Variants in APPL2 observed in about 807,000 individuals in gnomAD.
APPL2 encodes adaptor protein, phosphotyrosine interacting with PH domain and leucine zipper 2, also known as DCC-interacting protein 13-beta.
Under a neutral mutation model 92.7 loss-of-function variants are expected in APPL2, and 84 were observed. The observed-to-expected ratio is 0.91, with a 90% CI of 0.76 to 1.09. The LOEUF (loss-of-function observed/expected upper bound fraction) is 1.09. Among genes scored for constraint, APPL2 ranks in the 50% least tolerant of loss-of-function variants. The pLI is 0.00. For synonymous variants in APPL2, 291 were observed against 291.0 expected (o/e 1.00, Z 0.00); for missense variants, 736 against 824.5 (o/e 0.89, Z 1.31).
intron 17 of APPL2, among the ~76,000 whole-genome samples, chr12:105,186,701 TATC>T (rs1340332391): frequency 2.9e-5 from 4 of 136,024 alleles, no homozygotes; most frequent in Non-Finnish European, 6.1e-5. Context: ...TCATATATCA[TATC>T]ATATATCATA....
At chr12:105,190,311 C>A (rs1326363551) in intron 14 of APPL2, among the ~76,000 whole-genome samples, 156 bp from the exon 15 acceptor site, 1 of 152,232 alleles carries the variant, frequency 6.6e-6, no homozygotes, top group African/African-American at 2.4e-5. Flanking sequence ...CTTCAAACTT[C>A]CTTCATATCC....
At position 105,229,112 on chromosome 12, in the gene APPL2, G is replaced by C. The variant is rs1890732446; in HGVS notation, c.153+13C>G. The stretch of plus-strand genomic sequence containing the variant: ...CCCACTCTGCGGTATCCAGGTGAGG[G>C]GTGGCAGCATACCTGGGCTCCATAG... On this transcript the variant is annotated intron_variant, in intron 2 of 20. Transcript: ENST00000258530. 1 of 1,605,324 alleles carries C rather than the reference G, an allele frequency of 6.2e-7. No homozygotes were observed. The highest frequency in any genetic ancestry group is 8.5e-7 in the Non-Finnish European group (1 of 1,174,874).
In APPL2 at chr12:105,224,113, G is replaced by C. The variant is rs552961011; in HGVS notation, c.153+5012C>G. 1.4e-3 allele frequency among the ~76,000 whole-genome samples: 217 copies of C among 152,270 alleles called. 3 individuals are homozygous for C. Among genetic ancestry groups the C allele is most frequent in the African/African-American group, 5.2e-3 (215 of 41,562 alleles). Reference sequence around the variant, plus strand: ...TGCTATCTGAAAGCTACCAATGCCAGCATGAGGGAAAGCTGCAGACCAAGT... The same window carrying C: ...TGCTATCTGAAAGCTACCAATGCCACCATGAGGGAAAGCTGCAGACCAAGT... On this transcript the variant is annotated intron_variant, in intron 2 of 20. Transcript: ENST00000258530.
intron 1 of APPL2, among the ~76,000 whole-genome samples, 157 bp from the exon 2 acceptor site, chr12:105,229,380 C>T (rs1890755812): frequency 6.6e-6 from 1 of 152,148 alleles, no homozygotes; most frequent in South Asian, 2.1e-4. Flanking sequence ...GTACCAGTAC[C>T]ATTTGATTCC....
At chr12:105,174,670 T>C (rs889252826) in intron 20 of APPL2, among the ~76,000 whole-genome samples, 3 of 152,168 alleles carry the variant, frequency 2.0e-5, no homozygotes, top group African/African-American at 7.2e-5. Context: ...CGTAGTCAAT[T>C]CGTATCATCT....
In APPL2 at chr12:105,200,711, A is replaced by G. The variant is rs556941921; in HGVS notation, c.705-1180T>C. Among the ~76,000 whole-genome samples, 5 of 152,320 alleles carry G rather than the reference A, an allele frequency of 3.3e-5. No homozygotes were observed. In the South Asian group the frequency reaches 8.3e-4, roughly 25 times the overall value. On this transcript the variant is annotated intron_variant, in intron 9 of 20. Coordinates refer to ENST00000258530, the MANE Select transcript of APPL2 (RefSeq NM_018171.5). The stretch of plus-strand genomic sequence containing the variant: ...GTGTTACAGGAGACACGGCAACCAC[A>G]AGGTTAAAATCAGAAGCAAACAGGG...
chr12:105,210,976 GTC>G (rs1388421954), intron 5 of APPL2, among the ~76,000 whole-genome samples: 21 of 152,086 alleles, frequency 1.4e-4, no homozygotes, highest in Non-Finnish European at 1.5e-4. Flanking sequence ...ACTCCTGTGC[GTC>G]TCTGTCCTGC....
At chr12:105,226,594 A>G (rs189944016) in intron 2 of APPL2, among the ~76,000 whole-genome samples, 1 of 152,250 alleles carries the variant, frequency 6.6e-6, no homozygotes, top group Non-Finnish European at 1.5e-5. Context: ...GACTCCTCAG[A>G]GTGACAGAGA....
chr12:105,190,973 G>A lies in APPL2; in HGVS notation c.1242-818C>T, dbSNP rs75636247. On this transcript the variant is annotated intron_variant, in intron 14 of 20. Coordinates refer to ENST00000258530, the MANE Select transcript of APPL2 (RefSeq NM_018171.5). ...CAGCCAGACTATAAACTCCTTTGAA[G>A]GGCAAAGAATATCAATGTATTTTGA... 3.0e-3 allele frequency among the ~76,000 whole-genome samples: 459 copies of A among 152,296 alleles called. 17 individuals carry two copies. The East Asian group carries it at 0.072, about 24-fold the overall frequency.
At chr12:105,200,223 A>G (rs1189879022) in intron 9 of APPL2, among the ~76,000 whole-genome samples, 2 of 152,188 alleles carry the variant, frequency 1.3e-5, no homozygotes, top group Non-Finnish European at 2.9e-5. Flanking sequence ...TGAGAAGCCC[A>G]TCCTCCAGGG....
chr12:105,217,935 T>A (rs2136049453), intron 2 of APPL2, among the ~76,000 whole-genome samples: 1 of 152,220 alleles, frequency 6.6e-6, no homozygotes, highest in East Asian at 1.9e-4. Flanking sequence ...AAACTCCATC[T>A]CTGCAAAATA....
chr12:105,185,088 A>G (rs1886480112), intron 17 of APPL2, among the ~76,000 whole-genome samples: 1 of 152,150 alleles, frequency 6.6e-6, no homozygotes, highest in Non-Finnish European at 1.5e-5. Context: ...AGCCTCAGTA[A>G]TGGCGGATGC....
At chr12:105,229,863 C>G in intron 1 of APPL2, 1 of 657,892 alleles carries the variant, frequency 1.5e-6, no homozygotes, top group Non-Finnish European at 1.9e-6. Context: ...ACTGCAACCT[C>G]TGCTTCCCGG....
chr12:105,208,072 C>T (rs765860295), intron 6 of APPL2, 43 bp from the exon 7 acceptor site: 38 of 1,613,484 alleles, frequency 2.4e-5, no homozygotes, highest in Non-Finnish European at 3.1e-5. Flanking sequence ...GGGTCAGGGT[C>T]GAAAGGGAAG....
chr12:105,209,270 G>A (rs1024849734), intron 5 of APPL2, among the ~76,000 whole-genome samples: 1 of 152,176 alleles, frequency 6.6e-6, no homozygotes, highest in African/African-American at 2.4e-5. Context: ...AATTTGGTCT[G>A]ATGTTGACTC....
chr12:105,175,948 A>G lies in APPL2; in HGVS notation c.1860+87T>C, dbSNP rs113330676. The stretch of plus-strand genomic sequence containing the variant: ...AACTTGGCCACACTTTCCAGTGAAC[A>G]TCACTTTTCTTTTTGAAAAGACTCT... On this transcript the variant is annotated intron_variant, in intron 20 of 20. Transcript: ENST00000258530. The G allele has an allele frequency of 1.2e-3, 1,630 of 1,306,682 alleles. 14 individuals carry two copies. In the African/African-American group the frequency reaches 0.022, roughly 17 times the overall value. The allele number at this position is 1,306,682 out of a possible 1,614,324, so 80.9% of individuals were successfully genotyped here. A position where few individuals can be genotyped will look rare whatever the true frequency, so the allele number is the denominator to read the frequency against.
chr12:105,215,376 A>G (rs1889596575), intron 4 of APPL2, among the ~76,000 whole-genome samples: 1 of 152,190 alleles, frequency 6.6e-6, no homozygotes, highest in South Asian at 2.1e-4. Context: ...TGGTGACCAA[A>G]GTGTGCTGAG....
chr12:105,199,042 T>C (rs1446245750), intron 10 of APPL2, among the ~76,000 whole-genome samples: 1 of 152,060 alleles, frequency 6.6e-6, no homozygotes, highest in Non-Finnish European at 1.5e-5. Context: ...TGCCAGCTGG[T>C]GTGGGGGAAG....
At chr12:105,181,450 G>A (rs936467446) in intron 17 of APPL2, among the ~76,000 whole-genome samples, 6 of 152,144 alleles carry the variant, frequency 3.9e-5, no homozygotes, top group African/African-American at 1.4e-4. Context: ...GCCAGGTTTT[G>A]GTATCAGGAT....
Sources: gnomAD v4.1 joint callset for allele counts (sites outside exome capture counted in the v4.1 genomes callset) on GRCh38, gnomAD v4.1.1 for gene constraint, MANE v1.5 for transcripts, NCBI Gene and HGNC (gene_info 2026-07-23, HGNC 2026-07-21) for gene names.